The following MED12L variants were observed in gnomAD, a reference collection of about 807,000 sequenced individuals.
The protein encoded by MED12L is mediator of RNA polymerase II transcription subunit 12-like protein.
Under a neutral mutation model 281.3 loss-of-function variants are expected in MED12L, and 60 were observed. That is an observed-to-expected ratio of 0.21 (90% CI 0.17 to 0.26). The LOEUF (loss-of-function observed/expected upper bound fraction) is 0.26, where lower values mean the gene tolerates loss of function less well. Ranked by LOEUF, MED12L falls within the 10% of genes least tolerant of loss-of-function variation. MED12L has a pLI of 1.00. For synonymous variants in MED12L, 974 were observed against 987.2 expected (o/e 0.99, Z 0.25); for missense variants, 2,146 against 2,680.9 (o/e 0.80, Z 4.41).
intron 11 of MED12L, among the ~76,000 whole-genome samples, chr3:151,175,250 C>G (rs1721905174): frequency 1.3e-5 from 2 of 152,124 alleles, no homozygotes; most frequent in African/African-American, 4.8e-5. Context: ...ACATATTATT[C>G]CATATTATTT....
intron 43 of MED12L, among the ~76,000 whole-genome samples, chr3:151,426,540 CTG>C (rs1186228605): frequency 6.6e-6 from 1 of 152,158 alleles, no homozygotes; most frequent in Non-Finnish European, 1.5e-5. Flanking sequence ...TGGTAAAACA[CTG>C]TAAGAAGATT....
intron 16 of MED12L, among the ~76,000 whole-genome samples, chr3:151,250,777 T>A (rs766908314): frequency 1.3e-5 from 2 of 152,208 alleles, no homozygotes; most frequent in Admixed American, 1.3e-4. Context: ...CTTTTGGTTA[T>A]GTGCCCAGAA....
intron 11 of MED12L, among the ~76,000 whole-genome samples, chr3:151,177,798 A>C (rs1722239078): frequency 6.6e-6 from 1 of 152,138 alleles, no homozygotes; most frequent in African/African-American, 2.4e-5. Context: ...TGGCCAATAA[A>C]TATTTTTTAA....
intron 16 of MED12L, among the ~76,000 whole-genome samples, chr3:151,349,342 T>C (rs1752946473): frequency 6.6e-6 from 1 of 152,216 alleles, no homozygotes; most frequent in Admixed American, 6.5e-5. Context: ...AGAACATGTT[T>C]GCATTTTCAG....
chr3:151,377,974 G>C, intron 30 of MED12L, 38 bp from the exon 31 acceptor site: 1 of 1,533,514 alleles, frequency 6.5e-7, no homozygotes, highest in Non-Finnish European at 8.8e-7. Context: ...CAGGGGAAAG[G>C]ATGCTTTCTC....
intron 5 of MED12L, among the ~76,000 whole-genome samples, chr3:151,146,849 AGAACCT>A (rs1717821850): frequency 6.6e-6 from 1 of 152,040 alleles, no homozygotes; most frequent in African/African-American, 2.4e-5. Context: ...CTCCAGCCAG[AGAACCT>A]GATTTAACTA....
chr3:151,095,483 G>A (rs182198645), intron 2 of MED12L, among the ~76,000 whole-genome samples: 111 of 152,206 alleles, frequency 7.3e-4, no homozygotes, highest in African/African-American at 2.5e-3. Context: ...GATTACAAGC[G>A]CATGCCACCA....
At chr3:151,338,154 C>T in intron 16 of MED12L, 1 of 1,613,962 alleles carries the variant, frequency 6.2e-7, no homozygotes, top group Non-Finnish European at 8.5e-7. Context: ...CACCTTTTTC[C>T]TGGGGACTTT....
chr3:151,294,970 C>A (rs757807588), intron 16 of MED12L: 3 of 1,614,006 alleles, frequency 1.9e-6, no homozygotes, highest in Non-Finnish European at 2.5e-6. Context: ...ATGGAAATGT[C>A]AGCGTCATTA....
intron 16 of MED12L, among the ~76,000 whole-genome samples, chr3:151,323,850 A>C (rs1202745898): frequency 6.6e-6 from 1 of 152,214 alleles, no homozygotes; most frequent in Admixed American, 6.5e-5. Flanking sequence ...ACTCCCCCTG[A>C]GCTCTCAAGT....
intron 11 of MED12L, among the ~76,000 whole-genome samples, chr3:151,184,541 G>C (rs1407250095): frequency 6.6e-6 from 1 of 152,122 alleles, no homozygotes; most frequent in Non-Finnish European, 1.5e-5. Context: ...AAAAGGAAAG[G>C]ACAGATCACA....
intron 16 of MED12L, chr3:151,198,890 A>T: frequency 6.2e-7 from 1 of 1,614,126 alleles, no homozygotes. Flanking sequence ...TTTAAACTCC[A>T]TACAACCCAC....
At chr3:151,294,991 A>C in intron 16 of MED12L, 1 of 1,613,780 alleles carries the variant, frequency 6.2e-7, no homozygotes, top group Non-Finnish European at 8.5e-7. Context: ...TGAGGTCTGC[A>C]ACCACTATGT....
intron 11 of MED12L, among the ~76,000 whole-genome samples, chr3:151,167,371 A>G (rs1720855194): frequency 1.3e-5 from 2 of 152,228 alleles, no homozygotes; most frequent in Admixed American, 1.3e-4. Flanking sequence ...GTTAAGTTTT[A>G]AGACACCTTC....
chr3:151,294,660 T>G lies in MED12L; in HGVS notation c.2251-55399T>G, dbSNP rs569493600. ...TGCCATTTGACCCCCAAAGGACTTT[T>G]AAGTTTTGAGCAGTCATGGATATTG... On this transcript the variant is annotated intron_variant, in intron 16 of 44. Transcript: ENST00000687756. The G allele has an allele frequency of 6.1e-5, 99 of 1,614,070 alleles. No individual in the cohort carries two copies. The highest frequency in any genetic ancestry group is 5.8e-5 in the Non-Finnish European group (69 of 1,180,030).
chr3:151,390,592 A>G (rs1482442874), intron 38 of MED12L, among the ~76,000 whole-genome samples: 1 of 152,188 alleles, frequency 6.6e-6, no homozygotes, highest in Admixed American at 6.5e-5. Flanking sequence ...TGATTTTAGT[A>G]TTGCTTTGGT....
At chr3:151,419,023 G>T (rs1461568176) in intron 43 of MED12L, among the ~76,000 whole-genome samples, 2 of 152,064 alleles carry the variant, frequency 1.3e-5, no homozygotes, top group African/African-American at 4.8e-5. Flanking sequence ...TGTTGTTTGT[G>T]TTTCTTTGTA....
rs80088919 is a variant in MED12L, at chr3:151,297,737, A to G, written c.2251-52322A>G. On this transcript the variant is annotated intron_variant, in intron 16 of 44. Coordinates refer to ENST00000687756, the MANE Select transcript of MED12L (RefSeq NM_001393769.1). ...GTTCCATATATCATTATAATATTTT[A>G]AAGTTTAATTATATGAACACATTCT... Among the ~76,000 whole-genome samples, 79 of 152,270 alleles carry G rather than the reference A, an allele frequency of 5.2e-4. No individual in the cohort carries two copies. The East Asian group carries it at 0.013, about 25-fold the overall frequency.
chr3:151,296,217 T>G (rs2149699450), intron 16 of MED12L, among the ~76,000 whole-genome samples: 1 of 152,320 alleles, frequency 6.6e-6, no homozygotes, highest in East Asian at 1.9e-4. Flanking sequence ...ACCTTTTGCT[T>G]CTTTGGAATT....
Sources: allele counts gnomAD v4.1 joint callset (sites outside exome capture counted in the v4.1 genomes callset), GRCh38; gene constraint gnomAD v4.1.1; transcripts MANE v1.5; gene names NCBI Gene and HGNC (gene_info 2026-07-23, HGNC 2026-07-21).